The following GPHN variants were observed in gnomAD, a reference collection of about 807,000 sequenced individuals.
The protein encoded by GPHN is gephyrin.
Under a neutral mutation model 95.5 loss-of-function variants are expected in GPHN, and 17 were observed. The observed-to-expected ratio is 0.18, with a 90% confidence interval of 0.12 to 0.27. GPHN has a LOEUF of 0.27. GPHN is among the 10% of genes least tolerant of loss of function. GPHN has a pLI of 1.00. For synonymous variants in GPHN, 320 were observed against 322.5 expected (o/e 0.99, Z 0.08); for missense variants, 660 against 978.1 (o/e 0.67, Z 4.34).
In GPHN at chr14:66,965,245, T is replaced by G; in HGVS notation, c.883T>G (p.Ser295Ala). The G allele has an allele frequency of 6.2e-7, 1 of 1,611,802 alleles. No individual in the cohort carries two copies. Reference sequence around the variant, plus strand: ...TCAGGTGCTCCCACGAGACACAGCCTCCCTCAGCACTACTCCTTCAGAATC... The same window carrying G: ...TCAGGTGCTCCCACGAGACACAGCCGCCCTCAGCACTACTCCTTCAGAATC... The part of the protein sequence containing the change: ...GVQVLPRDTA[S>A]LSTTPSESPR... Residue 295 changes from serine to alanine, a missense_variant, in exon 9 of 23, where the codon TCC (serine) becomes GCC (alanine). Physicochemically the swap from Ser to Ala is moderately conservative, Grantham distance 99. This residue lies in a region of GPHN where 190 missense variants were observed against 224.7 expected (regional missense o/e 0.85). Transcript: ENST00000478722.
chr14:67,199,880 G>GC, the GPHN span: 3 of 1,490,444 alleles, frequency 2.0e-6, no homozygotes, highest in Non-Finnish European at 9.0e-7. Context: ...GCAGGACATG[G>GC]CCCCCCATCG....
chr14:66,939,328 CAACAGAAAA>C (rs754041186), intron 8 of GPHN, among the ~76,000 whole-genome samples: 122 of 151,998 alleles, frequency 8.0e-4, no homozygotes, highest in Non-Finnish European at 1.3e-3. Flanking sequence ...TCCTAAAACT[CAACAGAAAA>C]ACAACCTGAT....
At chr14:66,943,198 G>C (rs2067529821) in intron 8 of GPHN, among the ~76,000 whole-genome samples, 1 of 151,970 alleles carries the variant, frequency 6.6e-6, no homozygotes, top group Non-Finnish European at 1.5e-5. Flanking sequence ...TTAACACTAG[G>C]CAAGAATTTA....
intron 1 of GPHN, among the ~76,000 whole-genome samples, chr14:66,620,620 C>A (rs936446035): frequency 6.6e-6 from 1 of 152,140 alleles, no homozygotes; most frequent in African/African-American, 2.4e-5. Flanking sequence ...AGTTACAATT[C>A]AAGATGAGAT....
intron 1 of GPHN, among the ~76,000 whole-genome samples, chr14:66,634,353 A>G (rs1209001193): frequency 6.6e-6 from 1 of 151,820 alleles, no homozygotes; most frequent in Non-Finnish European, 1.5e-5. Flanking sequence ...TAGTTTTTGT[A>G]TGATACTTCA....
the GPHN span, among the ~76,000 whole-genome samples, chr14:67,625,695 A>G: frequency 2.7e-5 from 4 of 148,974 alleles, no homozygotes; most frequent in Non-Finnish European, 5.9e-5. Context: ...AAAAAAAAAA[A>G]AAAAAGAAAC....
At chr14:66,908,534 C>T (rs1422274674) in intron 5 of GPHN, among the ~76,000 whole-genome samples, 1 of 151,992 alleles carries the variant, frequency 6.6e-6, no homozygotes, top group African/African-American at 2.4e-5. Flanking sequence ...TATATAGATG[C>T]TCCACCCTCA....
rs939630662 is a variant in GPHN at position 66,515,002 on chromosome 14, G to A, written c.64+6411G>A. ...TCTCTGAATTTCAGTTTTCTTCTCC[G>A]AAATGAAGATGGCAATATCTACTTT... On this transcript the variant is annotated intron_variant, in intron 1 of 22. Coordinates refer to ENST00000478722, the MANE Select transcript of GPHN (RefSeq NM_020806.5). Among the ~76,000 whole-genome samples, 5 of 151,980 alleles carry A rather than the reference G, an allele frequency of 3.3e-5. No individual in the cohort carries two copies. In the South Asian group the frequency reaches 6.2e-4, roughly 19 times the overall value.
intron 9 of GPHN, among the ~76,000 whole-genome samples, chr14:67,001,696 A>G (rs1434488172): frequency 6.6e-6 from 1 of 151,778 alleles, no homozygotes; most frequent in Non-Finnish European, 1.5e-5. Flanking sequence ...CGTCTACTTT[A>G]AAATCCTGGC....
the GPHN span, among the ~76,000 whole-genome samples, chr14:67,623,723 G>A: frequency 6.6e-6 from 1 of 152,066 alleles, no homozygotes; most frequent in East Asian, 1.9e-4. Context: ...TGTATTTTTA[G>A]TAGAGATGGG....
the GPHN span, among the ~76,000 whole-genome samples, chr14:67,307,537 A>G: frequency 6.6e-6 from 1 of 152,238 alleles, no homozygotes; most frequent in Non-Finnish European, 1.5e-5. Context: ...ACTGTGTTGT[A>G]AAGAAAAGTT....
At chr14:66,578,943 CA>C (rs2061029127) in intron 1 of GPHN, among the ~76,000 whole-genome samples, 1 of 151,682 alleles carries the variant, frequency 6.6e-6, no homozygotes, top group Non-Finnish European at 1.5e-5. Flanking sequence ...TGTAAAGCTA[CA>C]ATGGTGGTGT....
intron 4 of GPHN, among the ~76,000 whole-genome samples, chr14:66,866,798 A>G (rs1411199566): frequency 1.3e-5 from 2 of 152,202 alleles, no homozygotes; most frequent in Admixed American, 6.5e-5. Flanking sequence ...TGCTTTATAA[A>G]GAGGAATAAT....
At chr14:66,563,163 CAAAT>C (rs920832413) in intron 1 of GPHN, among the ~76,000 whole-genome samples, 2 of 151,046 alleles carry the variant, frequency 1.3e-5, no homozygotes, top group African/African-American at 4.8e-5. Flanking sequence ...CTAGACCTCT[CAAAT>C]AATAACTTTT....
intron 2 of GPHN, among the ~76,000 whole-genome samples, chr14:66,748,620 T>C (rs2058252734): frequency 6.6e-6 from 1 of 151,998 alleles, no homozygotes; most frequent in Admixed American, 6.6e-5. Flanking sequence ...ATTATACAGG[T>C]TGAATATCCC....
At chr14:67,454,793 G>A in the GPHN span, 1 of 152,188 alleles carries the variant, frequency 6.6e-6, no homozygotes, top group Non-Finnish European at 1.5e-5. Context: ...CCTAGGCTAG[G>A]GAGTTGGGAA....
intron 12 of GPHN, among the ~76,000 whole-genome samples, chr14:67,090,777 G>C (rs2077116214): frequency 6.6e-6 from 1 of 151,870 alleles, no homozygotes. Context: ...AAGTGATCTG[G>C]GTTTTAGTAC....
At chr14:66,578,072 T>C (rs2140431578) in intron 1 of GPHN, among the ~76,000 whole-genome samples, 1 of 152,094 alleles carries the variant, frequency 6.6e-6, no homozygotes, top group East Asian at 1.9e-4. Context: ...AAGGAAGTTA[T>C]GATTAATTTT....
At chr14:67,732,644 T>C in the GPHN span, among the ~76,000 whole-genome samples, 1 of 152,098 alleles carries the variant, frequency 6.6e-6, no homozygotes, top group African/African-American at 2.4e-5. Flanking sequence ...TGGCGTGATC[T>C]CCACTCACTG....
Sources: allele counts gnomAD v4.1 joint callset (sites outside exome capture counted in the v4.1 genomes callset), GRCh38; gene constraint gnomAD v4.1.1; regional missense constraint gnomAD v4.1.1; transcripts MANE v1.5; gene names NCBI Gene and HGNC (gene_info 2026-07-23, HGNC 2026-07-21).